CLMN: variants seen among roughly 807,000 people sequenced by gnomAD.
CLMN encodes calmin (calponin-like, transmembrane).
A neutral mutation model predicts 92.7 loss-of-function variants in CLMN; 57 were observed. That is an observed-to-expected ratio of 0.61 (90% confidence interval 0.50 to 0.77). The LOEUF (loss-of-function observed/expected upper bound fraction) is 0.77. Among genes scored for constraint, CLMN ranks in the 30% least tolerant of loss-of-function variants. The pLI is 0.00. For missense variants in CLMN, 1,158 were observed against 1,237.5 expected (o/e 0.94, Z 0.96); for synonymous variants, 466 against 470.6 (o/e 0.99, Z 0.13).
At chr14:95,221,817 C>A (rs986250581) in intron 3 of CLMN, 43 bp from the exon 4 acceptor site, 6 of 1,572,630 alleles carry the variant, frequency 3.8e-6, no homozygotes, top group East Asian at 2.2e-5. Context: ...TAAACCCGCA[C>A]AGGCACTTCC....
At chr14:95,207,746 C>T (rs1485307079) in intron 8 of CLMN, among the ~76,000 whole-genome samples, 8 of 152,224 alleles carry the variant, frequency 5.3e-5, no homozygotes, top group Non-Finnish European at 5.9e-5. Flanking sequence ...GCTTCCACAG[C>T]GCCCTGTAAG....
chr14:95,233,261 G>A (rs745785250), intron 1 of CLMN, among the ~76,000 whole-genome samples: 1 of 152,174 alleles, frequency 6.6e-6, no homozygotes, highest in African/African-American at 2.4e-5. Flanking sequence ...ACTCAAGGGT[G>A]TAAATGAGGA....
chr14:95,193,357 T>A (rs1202730157), intron 12 of CLMN: 2 of 1,535,122 alleles, frequency 1.3e-6, no homozygotes, highest in African/African-American at 2.7e-5. Context: ...TCCCTCTTCA[T>A]GTCTGCTCTG....
At chr14:95,305,387 C>T (rs969186302) in intron 1 of CLMN, among the ~76,000 whole-genome samples, 2 of 152,088 alleles carry the variant, frequency 1.3e-5, no homozygotes, top group African/African-American at 2.4e-5. Context: ...ATCCTCAGCA[C>T]GTATGAGAAG....
intron 4 of CLMN, among the ~76,000 whole-genome samples, chr14:95,220,836 T>A (rs936306078): frequency 4.6e-5 from 7 of 152,220 alleles, no homozygotes; most frequent in African/African-American, 1.7e-4. Context: ...GTGGTGGGGC[T>A]GCCCAGAGGT....
intron 1 of CLMN, among the ~76,000 whole-genome samples, chr14:95,315,433 C>A (rs558175216): frequency 2.0e-5 from 3 of 152,146 alleles, no homozygotes; most frequent in African/African-American, 7.2e-5. Flanking sequence ...ACAACATGCT[C>A]GAGTGGCTGG....
chr14:95,276,879 C>G (rs1470605804), intron 1 of CLMN, among the ~76,000 whole-genome samples: 1 of 152,186 alleles, frequency 6.6e-6, no homozygotes, highest in South Asian at 2.1e-4. Flanking sequence ...CTCCACGCAA[C>G]CCCTGGTGTG....
chr14:95,306,663 G>A (rs1049564721), intron 1 of CLMN, among the ~76,000 whole-genome samples: 5 of 152,188 alleles, frequency 3.3e-5, no homozygotes, highest in African/African-American at 1.2e-4. Context: ...AGCAACAGCA[G>A]ACGATATTTA....
intron 1 of CLMN, among the ~76,000 whole-genome samples, chr14:95,316,393 G>A (rs531484539): frequency 5.9e-5 from 9 of 152,366 alleles, no homozygotes; most frequent in South Asian, 2.1e-4. Context: ...CCTCCTTGAC[G>A]AACGTCTTTT....
chr14:95,199,989 GA>G, intron 9 of CLMN, among the ~76,000 whole-genome samples: 1 of 147,998 alleles, frequency 6.8e-6, no homozygotes, highest in South Asian at 2.2e-4. Context: ...GTCAGGAAGT[GA>G]TAAGGTGAGA....
intron 1 of CLMN, among the ~76,000 whole-genome samples, chr14:95,247,088 G>T (rs78244806): frequency 6.6e-6 from 1 of 152,028 alleles, no homozygotes; most frequent in East Asian, 1.9e-4. Context: ...CTGGGTGAAG[G>T]TACTCAGGAA....
At chr14:95,216,426 G>C (rs909797385) in intron 4 of CLMN, among the ~76,000 whole-genome samples, 1 of 152,154 alleles carries the variant, frequency 6.6e-6, no homozygotes, top group Admixed American at 6.5e-5. Context: ...TTCAAGTAAG[G>C]GAATTTCAGA....
chr14:95,199,104 A>G (rs1488525263), intron 9 of CLMN: 5 of 152,146 alleles, frequency 3.3e-5, no homozygotes, highest in African/African-American at 1.2e-4. Flanking sequence ...AGCCCTGCCC[A>G]TGTGGCCCTC....
chr14:95,274,863 T>C (rs762075060), intron 1 of CLMN, among the ~76,000 whole-genome samples: 2 of 151,186 alleles, frequency 1.3e-5, no homozygotes, highest in Non-Finnish European at 2.9e-5. Flanking sequence ...CCTGTAGTCC[T>C]AGCTACTCAG....
In CLMN at chr14:95,236,628, G is replaced by C. The variant is rs1289449390; in HGVS notation, c.83-6495C>G. Among the ~76,000 whole-genome samples, 6 of 152,340 alleles carry C rather than the reference G, an allele frequency of 3.9e-5. No individual in the cohort carries two copies. In the South Asian group the frequency reaches 8.3e-4, roughly 21 times the overall value. ...GAGTGGCAACACTGCCAGGGGCAGA[G>C]GCCATTGGGGGGCCTGTGTGACTAC... On this transcript the variant is annotated intron_variant, in intron 1 of 12. Coordinates refer to ENST00000298912, the MANE Select transcript of CLMN (RefSeq NM_024734.4).
chr14:95,257,942 T>C (rs144546317), intron 1 of CLMN, among the ~76,000 whole-genome samples: 408 of 152,238 alleles, frequency 2.7e-3, no homozygotes, highest in African/African-American at 9.3e-3. Flanking sequence ...GGACAGACTG[T>C]AGAGAGGGGC....
At chr14:95,245,238 T>TATTATATATATATAG (rs1298554368) in intron 1 of CLMN, among the ~76,000 whole-genome samples, 1 of 28,194 alleles carries the variant, frequency 3.5e-5, no homozygotes, top group Non-Finnish European at 5.3e-5. Context: ...TATATATATA[T>TATTATATATATATAG]TATATATATA....
rs200583920 is a variant in CLMN at position 95,203,464 on chromosome 14, G to A, written c.1885C>T (p.His629Tyr). 2.2e-5 allele frequency: 36 copies of A among 1,614,022 alleles called. 1 individual carries two copies. The highest frequency in any genetic ancestry group is 3.3e-4 in the Middle Eastern group (2 of 6,084). Residue 629 changes from histidine (H) to tyrosine (Y), a missense_variant, in exon 9 of 13, where the codon CAT (histidine) becomes TAT (tyrosine). Physicochemically the swap from His to Tyr is moderately conservative, Grantham distance 83. Transcript: ENST00000298912. ...TCTCCGGAGTCCTGATGAGGTTCAT[G>A]TTTGTCCATCTTAACTTGAGGCTCT... ...SPEPQVKMDK[H>Y]EPHQDSGEEA... is the part of the protein sequence containing the mutation.
rs1897328405 is a variant in CLMN, at chr14:95,215,854, T to C, written c.325-121A>G. 18 of 628,054 alleles carry C rather than the reference T, an allele frequency of 2.9e-5. No individual in the cohort carries two copies. In the South Asian group the frequency reaches 3.3e-4, roughly 12 times the overall value. The allele number at this position is 628,054 out of a possible 1,614,324, so 38.9% of individuals were successfully genotyped here. ...GTGTGTGTGTGTGTGTGTGTGTGTGTGTGTGTTTGCATGAGCCTGTTTTTC... is the reference window on the plus strand; with the variant it reads ...GTGTGTGTGTGTGTGTGTGTGTGTGCGTGTGTTTGCATGAGCCTGTTTTTC... On this transcript the variant is annotated intron_variant, in intron 4 of 12. Coordinates refer to ENST00000298912, the MANE Select transcript of CLMN (RefSeq NM_024734.4).
Sources: allele counts gnomAD v4.1 joint callset (sites outside exome capture counted in the v4.1 genomes callset), GRCh38; gene constraint gnomAD v4.1.1; transcripts MANE v1.5; gene names NCBI Gene and HGNC (gene_info 2026-07-23, HGNC 2026-07-21).